The following STXBP5L variants were observed in gnomAD, a reference collection of about 807,000 sequenced individuals.
STXBP5L encodes the protein syntaxin binding protein 5L, also known as syntaxin-binding protein 5-like.
STXBP5L carries 65 observed loss-of-function variants against 144.5 expected under a neutral mutation model. The ratio of observed to expected loss-of-function variants is 0.45; its 90% CI spans 0.37 to 0.55. The LOEUF is 0.55. STXBP5L is among the 20% of genes least tolerant of loss of function. STXBP5L has a pLI of 0.00. For synonymous variants in STXBP5L, 505 were observed against 469.6 expected, an observed-to-expected ratio of 1.08 and a Z score of -0.97; for missense variants, 1,298 against 1,405.5, an observed-to-expected ratio of 0.92 and a Z score of 1.22.
intron 3 of STXBP5L, among the ~76,000 whole-genome samples, chr3:121,021,635 T>A (rs1358536371): frequency 6.6e-6 from 1 of 152,114 alleles, no homozygotes; most frequent in African/African-American, 2.4e-5. Flanking sequence ...ATGCAAATAA[T>A]GGAAATTAAA....
chr3:121,168,992 C>A (rs1317132013), intron 9 of STXBP5L, among the ~76,000 whole-genome samples: 1 of 152,204 alleles, frequency 6.6e-6, no homozygotes, highest in African/African-American at 2.4e-5. Flanking sequence ...GCAGATCTCG[C>A]TGCAGAAATC....
At chr3:121,215,685 G>T (rs189479720) in intron 10 of STXBP5L, among the ~76,000 whole-genome samples, 1 of 152,174 alleles carries the variant, frequency 6.6e-6, no homozygotes, top group East Asian at 1.9e-4. Context: ...GTGTCTTGAG[G>T]TTGCTCTTCT....
chr3:121,300,979 GTGA>G (rs1559950936), intron 19 of STXBP5L, among the ~76,000 whole-genome samples: 1 of 152,156 alleles, frequency 6.6e-6, no homozygotes, highest in African/African-American at 2.4e-5. Flanking sequence ...GTCAGGTAGC[GTGA>G]TGCCTCCAGC....
intron 22 of STXBP5L, among the ~76,000 whole-genome samples, chr3:121,394,361 G>A (rs1267480877): frequency 6.6e-6 from 1 of 151,034 alleles, no homozygotes; most frequent in Admixed American, 6.6e-5. Context: ...CATATAATCA[G>A]TGAACAGCAA....
At chr3:121,292,703 A>G (rs974561771) in intron 19 of STXBP5L, among the ~76,000 whole-genome samples, 2 of 152,240 alleles carry the variant, frequency 1.3e-5, no homozygotes, top group African/African-American at 4.8e-5. Flanking sequence ...CTACTGAGCC[A>G]TAAAAAGTAA....
chr3:121,364,545 T>C (rs1243613197), intron 20 of STXBP5L, among the ~76,000 whole-genome samples: 1 of 152,068 alleles, frequency 6.6e-6, no homozygotes, highest in Non-Finnish European at 1.5e-5. Flanking sequence ...TTGGTTTATA[T>C]TGACATCTTA....
intron 5 of STXBP5L, among the ~76,000 whole-genome samples, chr3:121,064,298 G>T (rs1371451787): frequency 6.6e-6 from 1 of 152,168 alleles, no homozygotes; most frequent in African/African-American, 2.4e-5. Flanking sequence ...TCGATGGTCT[G>T]CACCAACTAT....
At chr3:121,104,552 G>A (rs1422049225) in intron 5 of STXBP5L, among the ~76,000 whole-genome samples, 1 of 152,006 alleles carries the variant, frequency 6.6e-6, no homozygotes, top group Non-Finnish European at 1.5e-5. Flanking sequence ...AAATAGGCAT[G>A]TAGGGAAATG....
chr3:121,027,555 G>A (rs1298358919), intron 3 of STXBP5L, among the ~76,000 whole-genome samples: 1 of 152,074 alleles, frequency 6.6e-6, no homozygotes, highest in East Asian at 1.9e-4. Flanking sequence ...TTTGGCTCTT[G>A]GCCCCTTTCC....
intron 15 of STXBP5L, among the ~76,000 whole-genome samples, chr3:121,254,534 T>C (rs1384567672): frequency 6.6e-6 from 1 of 152,194 alleles, no homozygotes. Context: ...GAGTCTCCGC[T>C]AGGGAAGAAT....
intron 5 of STXBP5L, among the ~76,000 whole-genome samples, chr3:121,101,131 A>G (rs1172144412): frequency 6.6e-6 from 1 of 152,032 alleles, no homozygotes; most frequent in Non-Finnish European, 1.5e-5. Flanking sequence ...AGCTCCAGAC[A>G]AGATGGAGTC....
At chr3:120,975,388 G>T (rs76001899) in intron 3 of STXBP5L, among the ~76,000 whole-genome samples, 30,178 of 152,002 alleles carry the variant, frequency 0.2, 3,143 homozygotes, top group Non-Finnish European at 0.23. Flanking sequence ...TTTGCACATT[G>T]ATTTTGTATC....
At chr3:121,139,529 C>G (rs969123738) in intron 7 of STXBP5L, among the ~76,000 whole-genome samples, 1 of 152,012 alleles carries the variant, frequency 6.6e-6, no homozygotes, top group Non-Finnish European at 1.5e-5. Context: ...GGCAATGTGG[C>G]TCAGAGTCAA....
chr3:121,056,238 T>C (rs1470130086), intron 5 of STXBP5L, among the ~76,000 whole-genome samples: 2 of 152,150 alleles, frequency 1.3e-5, no homozygotes, highest in Non-Finnish European at 2.9e-5. Context: ...AAATAAAACA[T>C]TCATATTTTA....
At position 121,333,064 on chromosome 3, in the gene STXBP5L, TA is replaced by T. The variant is rs918621434; in HGVS notation, c.2176+14532del. Among the ~76,000 whole-genome samples the T allele has an allele frequency of 1.3e-3, 195 of 151,740 alleles. 2 individuals are homozygous for T. The highest frequency in any genetic ancestry group is 0.01 in the Middle Eastern group (3 of 294). Reference sequence around the variant, plus strand: ...ACTTGCCACTACCACACCAGCCCTATAAAAAAAATGCTAAAAGGGGGCAAAA... The same window carrying T: ...ACTTGCCACTACCACACCAGCCCTATAAAAAAATGCTAAAAGGGGGCAAAA... On this transcript the variant is annotated intron_variant, in intron 20 of 26. Transcript: ENST00000471454.
intron 18 of STXBP5L, among the ~76,000 whole-genome samples, chr3:121,276,758 C>A (rs1264313620): frequency 1.3e-5 from 2 of 151,498 alleles, no homozygotes; most frequent in Non-Finnish European, 2.9e-5. Flanking sequence ...TATCTGCCAG[C>A]TTTTAACATT....
At chr3:120,958,575 C>G (rs561450229) in intron 3 of STXBP5L, among the ~76,000 whole-genome samples, 1 of 152,302 alleles carries the variant, frequency 6.6e-6, no homozygotes, top group Non-Finnish European at 1.5e-5. Context: ...TGGGCTTCAT[C>G]CCTGGGATGC....
intron 3 of STXBP5L, among the ~76,000 whole-genome samples, chr3:120,970,950 C>T (rs1017395634): frequency 6.6e-6 from 1 of 152,098 alleles, no homozygotes; most frequent in Non-Finnish European, 1.5e-5. Context: ...TAAAACCCTG[C>T]CCTGTTGTTT....
At chr3:121,148,837 A>C (rs2045823016) in intron 7 of STXBP5L, among the ~76,000 whole-genome samples, 1 of 152,124 alleles carries the variant, frequency 6.6e-6, no homozygotes, top group Non-Finnish European at 1.5e-5. Context: ...GTATTATTAC[A>C]TCAACTGTAA....
Sources: allele counts gnomAD v4.1 joint callset (sites outside exome capture counted in the v4.1 genomes callset), GRCh38; gene constraint gnomAD v4.1.1; transcripts MANE v1.5; gene names NCBI Gene and HGNC (gene_info 2026-07-23, HGNC 2026-07-21).